Variants in CPNE4 observed in about 807,000 individuals in gnomAD.
The protein encoded by CPNE4 is copine 4.
CPNE4 carries 25 observed loss-of-function variants against 67.9 expected under a neutral mutation model. The observed-to-expected ratio is 0.37, with a 90% confidence interval of 0.27 to 0.51. The LOEUF is 0.51. Ranked by LOEUF, CPNE4 falls within the 20% of genes least tolerant of loss-of-function variation. CPNE4 has a pLI of 0.93. For synonymous variants in CPNE4, 242 were observed against 244.9 expected (o/e 0.99, Z 0.11); for missense variants, 464 against 690.8 (o/e 0.67, Z 3.68).
At chr3:131,574,198 A>G (rs1474108982) in intron 10 of CPNE4, among the ~76,000 whole-genome samples, 2 of 152,108 alleles carry the variant, frequency 1.3e-5, no homozygotes, top group African/African-American at 4.8e-5. Context: ...TCGTTAGTAC[A>G]TTTCTGTAAG....
intron 1 of CPNE4, among the ~76,000 whole-genome samples, chr3:131,965,244 A>T (rs969255617): frequency 2.0e-5 from 3 of 152,214 alleles, no homozygotes; most frequent in Admixed American, 1.3e-4. Context: ...TGGAAAAGAA[A>T]AAACAGTACC....
chr3:131,672,304 T>C (rs2080439287), intron 6 of CPNE4, among the ~76,000 whole-genome samples: 1 of 152,156 alleles, frequency 6.6e-6, no homozygotes, highest in Non-Finnish European at 1.5e-5. Flanking sequence ...AGGGCAGATA[T>C]CTCCTGTATA....
intron 7 of CPNE4, among the ~76,000 whole-genome samples, chr3:131,607,281 A>G (rs1039413912): frequency 1.3e-5 from 2 of 151,566 alleles, no homozygotes; most frequent in Non-Finnish European, 2.9e-5. Flanking sequence ...AGTGTTAAGC[A>G]GGGCCACTGA....
At chr3:131,795,817 T>G (rs1277322346) in intron 2 of CPNE4, among the ~76,000 whole-genome samples, 1 of 152,208 alleles carries the variant, frequency 6.6e-6, no homozygotes, top group Non-Finnish European at 1.5e-5. Context: ...TTATGACTCC[T>G]CTTATAGCTC....
At chr3:131,864,353 C>T (rs1319596585) in intron 2 of CPNE4, among the ~76,000 whole-genome samples, 1 of 152,122 alleles carries the variant, frequency 6.6e-6, no homozygotes, top group Non-Finnish European at 1.5e-5. Context: ...GAATGTTCTT[C>T]CATTTCTTTG....
intron 7 of CPNE4, among the ~76,000 whole-genome samples, chr3:131,616,299 C>T (rs1940156803): frequency 6.6e-6 from 1 of 152,148 alleles, no homozygotes; most frequent in Non-Finnish European, 1.5e-5. Flanking sequence ...TAAATGCGAA[C>T]CTCTGCTGCC....
intron 2 of CPNE4, among the ~76,000 whole-genome samples, chr3:131,731,528 A>G (rs1260104802): frequency 6.6e-6 from 1 of 151,920 alleles, no homozygotes; most frequent in East Asian, 1.9e-4. Context: ...CGTGTCCTCT[A>G]TAGCTGTTCC....
chr3:131,544,385 G>GAGGT (rs1235177145), intron 14 of CPNE4, among the ~76,000 whole-genome samples: 2 of 152,144 alleles, frequency 1.3e-5, no homozygotes, highest in African/African-American at 2.4e-5. Flanking sequence ...ATGTAAGCTG[G>GAGGT]AGGTAGGTGA....
intron 7 of CPNE4, among the ~76,000 whole-genome samples, chr3:131,654,432 T>C (rs112617427): frequency 8.5e-5 from 13 of 152,270 alleles, no homozygotes; most frequent in African/African-American, 2.9e-4. Flanking sequence ...CAGCGTCTGT[T>C]GTTCCCCTCT....
chr3:131,724,502 G>C lies in CPNE4; in HGVS notation c.181-877C>G, dbSNP rs1318906790. Among the ~76,000 whole-genome samples, 3 of 152,156 alleles carry C rather than the reference G, an allele frequency of 2.0e-5. No homozygotes were observed. The East Asian group carries it at 5.8e-4, about 29-fold the overall frequency. On this transcript the variant is annotated intron_variant, in intron 2 of 15. Coordinates refer to ENST00000429747, the MANE Select transcript of CPNE4 (RefSeq NM_130808.3). ...GTGACATAGGAGACTGATGTCTATG[G>C]ATTGATTTTCCTGGCACCCTTGCCC...
At chr3:131,856,129 G>A (rs533107873) in intron 2 of CPNE4, among the ~76,000 whole-genome samples, 1 of 151,914 alleles carries the variant, frequency 6.6e-6, no homozygotes, top group African/African-American at 2.4e-5. Context: ...ACAAATAAAA[G>A]GAAAATCACC....
chr3:131,634,829 C>G (rs1233610712), intron 7 of CPNE4, among the ~76,000 whole-genome samples: 1 of 152,126 alleles, frequency 6.6e-6, no homozygotes, highest in African/African-American at 2.4e-5. Flanking sequence ...TGAAATCATC[C>G]TAAGTGGAAA....
At chr3:131,543,663 A>G (rs907015293) in intron 14 of CPNE4, among the ~76,000 whole-genome samples, 1 of 152,152 alleles carries the variant, frequency 6.6e-6, no homozygotes, top group Non-Finnish European at 1.5e-5. Context: ...ATTAAAATGG[A>G]TTTCTCTGTT....
At chr3:131,688,947 G>A (rs1297006109) in intron 5 of CPNE4, among the ~76,000 whole-genome samples, 2 of 152,068 alleles carry the variant, frequency 1.3e-5, no homozygotes, top group East Asian at 1.9e-4. Context: ...TTTACATGTT[G>A]TATATTACAA....
At chr3:131,587,665 G>C in intron 7 of CPNE4, 83 bp from the exon 8 acceptor site, 1 of 977,792 alleles carries the variant, frequency 1.0e-6, no homozygotes, top group Non-Finnish European at 1.6e-6. Flanking sequence ...TTAGGAGAAA[G>C]AGTAGATGAA....
chr3:131,847,478 A>T (rs2086048795), intron 2 of CPNE4, among the ~76,000 whole-genome samples: 1 of 152,150 alleles, frequency 6.6e-6, no homozygotes, highest in African/African-American at 2.4e-5. Flanking sequence ...CTGCTCAGAG[A>T]GTAAATCTGA....
intron 1 of CPNE4, among the ~76,000 whole-genome samples, chr3:131,910,057 G>GAA (rs1268915933): frequency 6.6e-6 from 1 of 152,006 alleles, no homozygotes; most frequent in Admixed American, 6.6e-5. Flanking sequence ...CTGCAGGAGA[G>GAA]AAAAAACATT....
chr3:131,950,914 G>C (rs1024032055), intron 1 of CPNE4, among the ~76,000 whole-genome samples: 3 of 152,152 alleles, frequency 2.0e-5, no homozygotes, highest in African/African-American at 7.2e-5. Flanking sequence ...GGATTTATTA[G>C]ATTACTAAAG....
intron 2 of CPNE4, among the ~76,000 whole-genome samples, chr3:131,764,999 A>T (rs1262815842): frequency 6.6e-6 from 1 of 152,142 alleles, no homozygotes; most frequent in African/African-American, 2.4e-5. Flanking sequence ...AGGAGGCAGC[A>T]ACTCCTAAAG....
Sources: allele counts gnomAD v4.1 joint callset (sites outside exome capture counted in the v4.1 genomes callset), GRCh38; gene constraint gnomAD v4.1.1; transcripts MANE v1.5; gene names NCBI Gene and HGNC (gene_info 2026-07-23, HGNC 2026-07-21).